HEMK2: variants seen among roughly 807,000 people sequenced by gnomAD.
The protein encoded by HEMK2 is HemK methyltransferase 2, ETF1 glutamine and histone H4 lysine.
chr21:28,866,148 G>GA, the HEMK2 span, among the ~76,000 whole-genome samples: 12 of 17,478 alleles, frequency 6.9e-4, 1 homozygote, highest in Non-Finnish European at 1.1e-3. Flanking sequence ...TGTCTCTACA[G>GA]AAAAAACAAA....
the HEMK2 span, among the ~76,000 whole-genome samples, chr21:28,584,470 C>A: frequency 3.3e-5 from 5 of 152,082 alleles, no homozygotes; most frequent in African/African-American, 1.2e-4. Flanking sequence ...TGAAGAAGTT[C>A]TGTTTATAAT....
At chr21:28,612,637 C>A in the HEMK2 span, among the ~76,000 whole-genome samples, 1 of 152,248 alleles carries the variant, frequency 6.6e-6, no homozygotes, top group African/African-American at 2.4e-5. Flanking sequence ...AAAAGGAAGT[C>A]AACCTGTCAC....
chr21:28,715,509 G>T, the HEMK2 span, among the ~76,000 whole-genome samples: 1 of 151,658 alleles, frequency 6.6e-6, no homozygotes, highest in Non-Finnish European at 1.5e-5. Context: ...TTTGTTTGTT[G>T]AATTAAATTC....
the HEMK2 span, among the ~76,000 whole-genome samples, chr21:28,603,769 G>C: frequency 1.3e-5 from 2 of 151,950 alleles, no homozygotes; most frequent in Non-Finnish European, 2.9e-5. Flanking sequence ...GTTTAGTTTC[G>C]GCAGCTCAGT....
the HEMK2 span, among the ~76,000 whole-genome samples, chr21:28,809,088 G>C: frequency 6.6e-6 from 1 of 152,100 alleles, no homozygotes; most frequent in African/African-American, 2.4e-5. Context: ...GCTCTATAGA[G>C]GTGACATATT....
chr21:28,799,318 T>A, the HEMK2 span, among the ~76,000 whole-genome samples: 1 of 152,086 alleles, frequency 6.6e-6, no homozygotes, highest in Non-Finnish European at 1.5e-5. Flanking sequence ...CTTTTTAAAA[T>A]CATCAGATCT....
chr21:28,630,756 A>G, the HEMK2 span, among the ~76,000 whole-genome samples: 4 of 126,856 alleles, frequency 3.2e-5, no homozygotes, highest in Admixed American at 9.4e-5. Context: ...AGGAAGGGGA[A>G]CATCACATTC....
At chr21:28,793,881 T>G in the HEMK2 span, among the ~76,000 whole-genome samples, 1 of 152,214 alleles carries the variant, frequency 6.6e-6, no homozygotes, top group Admixed American at 6.5e-5. Context: ...CAAGAGGACA[T>G]CTGAAACCAC....
At chr21:28,724,718 C>T in the HEMK2 span, among the ~76,000 whole-genome samples, 2 of 150,410 alleles carry the variant, frequency 1.3e-5, no homozygotes, top group African/African-American at 5.0e-5. Flanking sequence ...TATGCCTCTG[C>T]ATTTGCTTTC....
At chr21:28,609,406 T>G in the HEMK2 span, among the ~76,000 whole-genome samples, 2 of 151,938 alleles carry the variant, frequency 1.3e-5, no homozygotes, top group African/African-American at 4.8e-5. Context: ...CAGCAGCCCT[T>G]GAGTCCCAGA....
chr21:28,879,299 G>A, the HEMK2 span, among the ~76,000 whole-genome samples: 1 of 152,104 alleles, frequency 6.6e-6, no homozygotes, highest in Non-Finnish European at 1.5e-5. Context: ...CTGGAGTGCA[G>A]TGGCTTGATC....
At chr21:28,878,084 A>T in the HEMK2 span, 2 of 975,106 alleles carry the variant, frequency 2.1e-6, no homozygotes, top group Non-Finnish European at 2.9e-6. Flanking sequence ...TAACTGTTTT[A>T]AGTGATTCAT....
At chr21:28,626,475 T>C in the HEMK2 span, 1 of 152,134 alleles carries the variant, frequency 6.6e-6, no homozygotes, top group Non-Finnish European at 1.5e-5. Context: ...TTGAAATACA[T>C]ATATTCAAAA....
the HEMK2 span, among the ~76,000 whole-genome samples, chr21:28,863,999 T>A: frequency 6.6e-6 from 1 of 151,968 alleles, no homozygotes. Context: ...GGCTAATTTT[T>A]TGTATTTTTT....
the HEMK2 span, chr21:28,878,331 T>C: frequency 1.2e-6 from 2 of 1,612,910 alleles, no homozygotes; most frequent in Non-Finnish European, 1.7e-6. Flanking sequence ...CGTGACTTCC[T>C]ACCTGTGAAC....
At chr21:28,579,143 T>A in the HEMK2 span, among the ~76,000 whole-genome samples, 1 of 152,178 alleles carries the variant, frequency 6.6e-6, no homozygotes, top group Non-Finnish European at 1.5e-5. Context: ...TGCAAGTGAT[T>A]TTTGACCATA....
the HEMK2 span, among the ~76,000 whole-genome samples, chr21:28,831,455 A>AAAAGAACGAAAGAACGAAAGAACG: frequency 3.5e-5 from 2 of 57,042 alleles, 1 homozygote; most frequent in Admixed American, 4.9e-4. Context: ...AAAAAGAAAG[A>AAAAGAACGAAAGAACGAAAGAACG]AAAGAACGAA....
the HEMK2 span, among the ~76,000 whole-genome samples, chr21:28,831,459 G>GAAAGAAAGAAAAGA: frequency 3.2e-5 from 1 of 31,026 alleles, no homozygotes; most frequent in South Asian, 1.0e-3. Flanking sequence ...AGAAAGAAAA[G>GAAAGAAAGAAAAGA]AACGAAAGAA....
the HEMK2 span, among the ~76,000 whole-genome samples, chr21:28,669,423 T>C: frequency 0.023 from 3,562 of 152,218 alleles, 149 homozygotes; most frequent in African/African-American, 0.082. Context: ...CCCCTCTGTG[T>C]TTTCATATCT....
Sources: allele counts gnomAD v4.1 joint callset (sites outside exome capture counted in the v4.1 genomes callset), GRCh38; gene constraint gnomAD v4.1.1; transcripts MANE v1.5; gene names NCBI Gene and HGNC (gene_info 2026-07-23, HGNC 2026-07-21).